FYB2: variants seen among roughly 807,000 people sequenced by gnomAD.
The protein encoded by FYB2 is FYN binding protein 2.
A neutral mutation model predicts 94.1 loss-of-function variants in FYB2; 103 were observed. The ratio of observed to expected loss-of-function variants is 1.09; its 90% CI spans 0.93 to 1.29. The LOEUF (loss-of-function observed/expected upper bound fraction) is 1.29. Ranked by LOEUF, FYB2 falls within the 50% of genes most tolerant of loss-of-function variation. The pLI, the probability that FYB2 is intolerant of heterozygous loss-of-function variation, is 0.00. For synonymous variants in FYB2, 293 were observed against 287.9 expected (o/e 1.02, Z -0.18); for missense variants, 896 against 841.5 (o/e 1.06, Z -0.80).
chr1:56,748,386 C>A (rs945657442), intron 9 of FYB2, among the ~76,000 whole-genome samples: 3 of 151,926 alleles, frequency 2.0e-5, no homozygotes, highest in African/African-American at 4.8e-5. Context: ...TTAAGTTTTC[C>A]ATTTAAGTCT....
At chr1:56,737,008 G>T in intron 15 of FYB2, 79 bp downstream of exon 15, 1 of 1,097,164 alleles carries the variant, frequency 9.1e-7, no homozygotes, top group Non-Finnish European at 1.4e-6. Flanking sequence ...TGAAAAGATG[G>T]TTCTGTGATC....
At chr1:56,723,545 A>G in intron 17 of FYB2, 43 bp downstream of exon 17, 1 of 1,164,986 alleles carries the variant, frequency 8.6e-7, no homozygotes, top group East Asian at 2.5e-5. Context: ...GAAAGCTCCT[A>G]GCTGTTAATA....
chr1:56,742,430 A>C (rs1644977396), intron 11 of FYB2, among the ~76,000 whole-genome samples: 1 of 151,922 alleles, frequency 6.6e-6, no homozygotes, highest in Non-Finnish European at 1.5e-5. Flanking sequence ...AATGAAAATT[A>C]AGACTCATTT....
At chr1:56,802,257 C>T (rs1166283461) in intron 1 of FYB2, among the ~76,000 whole-genome samples, 1 of 152,170 alleles carries the variant, frequency 6.6e-6, no homozygotes, top group African/African-American at 2.4e-5. Context: ...CCCACTAAAC[C>T]TCATCTTTTT....
chr1:56,792,328 TAGTTGGCAAGGA>T lies in FYB2; in HGVS notation c.473_484del (p.Leu158_Tyr162delinsHis). 6.2e-7 allele frequency: 1 copy of T among 1,614,108 alleles called. No individual in the cohort carries two copies. On this transcript the variant is annotated inframe_deletion, in exon 2 of 20. Coordinates refer to ENST00000343433, the MANE Select transcript of FYB2 (RefSeq NM_001004303.5). ...TTCCAGATGGATGGCCTTACTTCCA[TAGTTGGCAAGGA>T]GAAGGGCTGAAGACATTTCACTTTT...
intron 4 of FYB2, among the ~76,000 whole-genome samples, chr1:56,776,686 G>A (rs1234981972): frequency 6.6e-6 from 1 of 152,144 alleles, no homozygotes; most frequent in Non-Finnish European, 1.5e-5. Context: ...TACGGAGAGG[G>A]AAGTGAGGTC....
rs749146265 is a variant in FYB2, at chr1:56,792,096, G to T, written c.717C>A (p.Cys239Ter). ...CAAGCTCACACTCATAGATGGGCTG[G>T]CAGGGGCTGCTTGCCGGGCTCCTCT... is the stretch of plus-strand genomic sequence containing the variant. ...PPERSPASSP[C>*]QPIYECELAS... is the part of the protein sequence containing the mutation. Residue 239 changes from cysteine to a stop codon, truncating the protein, a stop_gained, in exon 2 of 20, where the codon TGC (cysteine) becomes TGA (stop). Transcript: ENST00000343433. LOFTEE classifies it high-confidence loss of function. 2.5e-6 allele frequency: 4 copies of T among 1,608,198 alleles called. No individual in the cohort carries two copies. The African/African-American group carries it at 4.0e-5, about 16-fold the overall frequency.
intron 2 of FYB2, among the ~76,000 whole-genome samples, chr1:56,790,276 C>A (rs1646230381): frequency 6.6e-6 from 1 of 152,192 alleles, no homozygotes; most frequent in African/African-American, 2.4e-5. Flanking sequence ...ATTGCTCCAC[C>A]CACAGCGGGT....
chr1:56,725,344 T>A (rs1217088319), intron 16 of FYB2, among the ~76,000 whole-genome samples: 1 of 152,050 alleles, frequency 6.6e-6, no homozygotes, highest in Non-Finnish European at 1.5e-5. Context: ...ATGGTAGAAA[T>A]CATTTTAAAA....
At chr1:56,737,657 A>C (rs555756203) in intron 14 of FYB2, 1 of 152,290 alleles carries the variant, frequency 6.6e-6, no homozygotes, top group Non-Finnish European at 1.5e-5. Flanking sequence ...CTCAGTGCAT[A>C]ATAATAATTA....
upstream of FYB2, chr1:56,823,832 G>T (rs1647007288): frequency 6.6e-6 from 1 of 152,208 alleles, no homozygotes; most frequent in Non-Finnish European, 1.5e-5. Context: ...TCACTCAGAT[G>T]AATTATTAAG....
At chr1:56,743,962 A>G in intron 11 of FYB2, 64 bp downstream of exon 11, 2 of 1,499,452 alleles carry the variant, frequency 1.3e-6, no homozygotes, top group East Asian at 4.5e-5. Context: ...TCTTATCACT[A>G]ATCAGCCATA....
intron 1 of FYB2, among the ~76,000 whole-genome samples, chr1:56,813,907 T>G (rs1181385175): frequency 6.6e-6 from 1 of 152,192 alleles, no homozygotes. Context: ...GCCAGAAATG[T>G]AAACCAGTCA....
intron 4 of FYB2, among the ~76,000 whole-genome samples, chr1:56,777,293 G>A (rs1409186859): frequency 7.1e-6 from 1 of 140,574 alleles, no homozygotes; most frequent in Admixed American, 7.2e-5. Context: ...AAGGCCCAGA[G>A]ATATCAAATA....
intron 2 of FYB2, among the ~76,000 whole-genome samples, chr1:56,791,018 G>A (rs1191957662): frequency 1.3e-5 from 2 of 152,102 alleles, no homozygotes; most frequent in Non-Finnish European, 2.9e-5. Flanking sequence ...GGGAAGACAG[G>A]TAGGAGATAA....
chr1:56,750,082 GA>G (rs1213135251), intron 9 of FYB2, among the ~76,000 whole-genome samples: 1 of 151,722 alleles, frequency 6.6e-6, no homozygotes, highest in East Asian at 1.9e-4. Flanking sequence ...CAGAGATACA[GA>G]AAAAAAATAC....
chr1:56,740,552 A>G, intron 13 of FYB2, 145 bp downstream of exon 13: 1 of 463,582 alleles, frequency 2.2e-6, no homozygotes, highest in Non-Finnish European at 3.9e-6. Context: ...TCAAAAATTC[A>G]CAAGAAAGGG....
chr1:56,776,847 G>A (rs867630289), intron 4 of FYB2, among the ~76,000 whole-genome samples: 1 of 152,064 alleles, frequency 6.6e-6, no homozygotes, highest in African/African-American at 2.4e-5. Context: ...TTACAACATC[G>A]GAATTCCACT....
chr1:56,719,592 T>C lies in FYB2; in HGVS notation c.*79A>G. 1 of 1,294,876 alleles carries C rather than the reference T, an allele frequency of 7.7e-7. No individual in the cohort carries two copies. The highest frequency in any genetic ancestry group is 1.1e-6 in the Non-Finnish European group (1 of 939,576). The allele number at this position is 1,294,876 out of a possible 1,614,324, so 80.2% of individuals were successfully genotyped here. Reference sequence around the variant, plus strand: ...CATCTCAAAATTTTGACATGTAAACTGAAACTGATGTAACGCAGGACTAGG... The same window carrying C: ...CATCTCAAAATTTTGACATGTAAACCGAAACTGATGTAACGCAGGACTAGG... On this transcript the variant is annotated 3_prime_UTR_variant, in exon 20 of 20. Transcript: ENST00000343433.
Sources: allele counts gnomAD v4.1 joint callset (sites outside exome capture counted in the v4.1 genomes callset), GRCh38; gene constraint gnomAD v4.1.1; transcripts MANE v1.5; gene names NCBI Gene and HGNC (gene_info 2026-07-23, HGNC 2026-07-21).